The following RALYL variants were observed in gnomAD, a reference collection of about 807,000 sequenced individuals.
RALYL encodes RNA-binding Raly-like protein.
Under a neutral mutation model 35.1 loss-of-function variants are expected in RALYL, and 29 were observed. The ratio of observed to expected loss-of-function variants is 0.83; its 90% confidence interval spans 0.61 to 1.13. The LOEUF (loss-of-function observed/expected upper bound fraction) is 1.13, where lower values mean the gene tolerates loss of function less well. RALYL is among the 50% of genes most tolerant of loss of function. RALYL has a pLI of 0.00. For synonymous variants in RALYL, 120 were observed against 127.6 expected (o/e 0.94, Z 0.40); for missense variants, 359 against 360.4 (o/e 1.00, Z 0.03).
chr8:84,632,964 A>C (rs1434354646), intron 2 of RALYL, among the ~76,000 whole-genome samples: 2 of 151,888 alleles, frequency 1.3e-5, no homozygotes, highest in African/African-American at 4.8e-5. Context: ...TTCAGAATGG[A>C]ATAGATTCAG....
intron 5 of RALYL, among the ~76,000 whole-genome samples, chr8:84,854,421 G>A (rs1367490808): frequency 1.3e-5 from 2 of 152,108 alleles, no homozygotes; most frequent in African/African-American, 2.4e-5. Context: ...CATTCATACA[G>A]CAGTGTCCAT....
chr8:84,330,878 A>C (rs1381551889), intron 1 of RALYL, among the ~76,000 whole-genome samples: 1 of 152,096 alleles, frequency 6.6e-6, no homozygotes, highest in African/African-American at 2.4e-5. Context: ...GTATTTGAAG[A>C]ATTTCATGAA....
At position 84,234,765 on chromosome 8, in the gene RALYL, A is replaced by ATT. The variant is rs1179372758; in HGVS notation, c.-24+50343_-24+50344dup. Among the ~76,000 whole-genome samples, 39 of 136,902 alleles carry ATT rather than the reference A, an allele frequency of 2.8e-4. No homozygotes were observed. The East Asian group carries it at 3.4e-3, about 12-fold the overall frequency. 89.8% of individuals were successfully genotyped at this position (136,902 alleles called of 152,430 possible). On this transcript the variant is annotated intron_variant, in intron 1 of 8. Coordinates refer to ENST00000521268, the MANE Select transcript of RALYL (RefSeq NM_173848.7). ...CTAAATTGCAAAATTTTATTTATTTATTTATTTTTTTTTTTTTGAGATGGA... is the reference window on the plus strand; with the variant it reads ...CTAAATTGCAAAATTTTATTTATTTATTTTTATTTTTTTTTTTTTGAGATGGA...
intron 5 of RALYL, among the ~76,000 whole-genome samples, chr8:84,857,466 C>T (rs1837287242): frequency 6.6e-6 from 1 of 152,174 alleles, no homozygotes; most frequent in Non-Finnish European, 1.5e-5. Flanking sequence ...TACTACTAAT[C>T]TAAAATGAAA....
intron 1 of RALYL, among the ~76,000 whole-genome samples, chr8:84,386,028 G>A (rs1028127761): frequency 2.6e-5 from 4 of 151,862 alleles, no homozygotes; most frequent in Non-Finnish European, 5.9e-5. Context: ...TTTATGCAAA[G>A]CAGTGTAAGC....
At chr8:84,365,719 TACAG>T (rs1480434579) in intron 1 of RALYL, among the ~76,000 whole-genome samples, 1 of 152,180 alleles carries the variant, frequency 6.6e-6, no homozygotes, top group Non-Finnish European at 1.5e-5. Context: ...GGTTCTTGGA[TACAG>T]ACAACAGAAG....
intron 2 of RALYL, among the ~76,000 whole-genome samples, chr8:84,602,980 G>T (rs1474985684): frequency 1.3e-5 from 2 of 152,200 alleles, no homozygotes; most frequent in South Asian, 4.1e-4. Context: ...ATTTAGCAAT[G>T]TGAAGTGTTG....
chr8:84,834,256 G>C (rs993078088), intron 4 of RALYL, among the ~76,000 whole-genome samples: 1 of 152,148 alleles, frequency 6.6e-6, no homozygotes, highest in African/African-American at 2.4e-5. Flanking sequence ...ATCTGCAAAA[G>C]AATATTGGAA....
intron 2 of RALYL, among the ~76,000 whole-genome samples, chr8:84,558,540 A>T (rs1237279124): frequency 1.3e-5 from 2 of 152,068 alleles, no homozygotes; most frequent in African/African-American, 4.8e-5. Flanking sequence ...TTGTGGAATG[A>T]TAGTTTCTAT....
At chr8:84,905,899 C>A (rs1846414592) in intron 8 of RALYL, among the ~76,000 whole-genome samples, 1 of 151,898 alleles carries the variant, frequency 6.6e-6, no homozygotes, top group Non-Finnish European at 1.5e-5. Flanking sequence ...AACACTGGAA[C>A]CTTTAGTTGT....
chr8:84,600,037 G>A (rs146897157), intron 2 of RALYL, among the ~76,000 whole-genome samples: 349 of 151,656 alleles, frequency 2.3e-3, no homozygotes, highest in African/African-American at 5.2e-3. Flanking sequence ...ATCTTTGCCA[G>A]ACTGATCGGT....
intron 2 of RALYL, among the ~76,000 whole-genome samples, chr8:84,699,971 A>G (rs1468326737): frequency 3.9e-5 from 6 of 152,216 alleles, no homozygotes; most frequent in Admixed American, 3.3e-4. Context: ...AATTAAAGAC[A>G]TTTTTCAACT....
chr8:84,403,536 T>TTTTTG, intron 1 of RALYL, among the ~76,000 whole-genome samples: 1 of 133,302 alleles, frequency 7.5e-6, no homozygotes, highest in Non-Finnish European at 1.5e-5. Flanking sequence ...TTTTTTTTTT[T>TTTTTG]TTTTTTTTTT....
chr8:84,332,507 T>C (rs1847022388), intron 1 of RALYL, among the ~76,000 whole-genome samples: 2 of 152,064 alleles, frequency 1.3e-5, no homozygotes, highest in South Asian at 4.1e-4. Flanking sequence ...AGGAGGATTA[T>C]ACAAGGTTGG....
chr8:84,389,740 T>G (rs939561751), intron 1 of RALYL, among the ~76,000 whole-genome samples: 12 of 150,046 alleles, frequency 8.0e-5, no homozygotes, highest in Middle Eastern at 6.8e-3. Context: ...AAGGAGATTT[T>G]GGGCTGAGAC....
At chr8:84,224,799 G>A (rs1469717167) in intron 1 of RALYL, among the ~76,000 whole-genome samples, 2 of 151,994 alleles carry the variant, frequency 1.3e-5, no homozygotes, top group Non-Finnish European at 1.5e-5. Flanking sequence ...TGGGACTACA[G>A]GCGTGTGCCA....
rs540680742 is a variant in RALYL at position 84,338,503 on chromosome 8, T to C, written c.-24+154079T>C. ...AAACCTCTTGAAACAGATTGAGTATTATTAACAAGATTAACCCAACTCATT... is the reference window on the plus strand; with the variant it reads ...AAACCTCTTGAAACAGATTGAGTATCATTAACAAGATTAACCCAACTCATT... On this transcript the variant is annotated intron_variant, in intron 1 of 8. Transcript: ENST00000521268. Among the ~76,000 whole-genome samples, 8 of 151,892 alleles carry C rather than the reference T, an allele frequency of 5.3e-5. No homozygotes were observed. In the South Asian group the frequency reaches 1.7e-3, roughly 32 times the overall value.
intron 8 of RALYL, among the ~76,000 whole-genome samples, chr8:84,913,026 G>GGGTAGGTAGACA (rs777817157): frequency 1.0e-5 from 1 of 98,980 alleles, no homozygotes; most frequent in East Asian, 2.8e-4. Context: ...ATGGATGGAT[G>GGGTAGGTAGACA]GATGGATAGG....
intron 2 of RALYL, among the ~76,000 whole-genome samples, chr8:84,656,088 A>G (rs532271748): frequency 1.2e-4 from 18 of 152,172 alleles, no homozygotes; most frequent in Non-Finnish European, 2.5e-4. Flanking sequence ...GTTCATAATC[A>G]AAGTCAGTTA....
Sources: gnomAD v4.1 joint callset for allele counts (sites outside exome capture counted in the v4.1 genomes callset) on GRCh38, gnomAD v4.1.1 for gene constraint, MANE v1.5 for transcripts, NCBI Gene and HGNC (gene_info 2026-07-23, HGNC 2026-07-21) for gene names.